GREM2: variants seen among roughly 807,000 people sequenced by gnomAD.
The protein encoded by GREM2 is gremlin-2.
A neutral mutation model predicts 14.2 loss-of-function variants in GREM2; 11 were observed. The observed-to-expected ratio is 0.78, with a 90% CI of 0.49 to 1.28. The LOEUF (loss-of-function observed/expected upper bound fraction) is 1.28, where lower values mean the gene tolerates loss of function less well. Among genes scored for constraint, GREM2 ranks in the 50% most tolerant of loss-of-function variants. GREM2 has a pLI of 0.00. For missense variants in GREM2, 210 were observed against 218.5 expected (o/e 0.96, Z 0.24); for synonymous variants, 98 against 97.6 (o/e 1.00, Z -0.02).
At chr1:240,579,581 A>C (rs1679441159) in intron 1 of GREM2, among the ~76,000 whole-genome samples, 1 of 152,168 alleles carries the variant, frequency 6.6e-6, no homozygotes, top group Admixed American at 6.5e-5. Flanking sequence ...TGGGAAAGCA[A>C]AGGTGTTTCG....
intron 1 of GREM2, among the ~76,000 whole-genome samples, chr1:240,602,374 A>G (rs1356201044): frequency 6.6e-6 from 1 of 151,356 alleles, no homozygotes; most frequent in Non-Finnish European, 1.5e-5. Context: ...TCCTTAATTT[A>G]TTTTTTTTTA....
chr1:240,595,639 T>A (rs550203305), intron 1 of GREM2, among the ~76,000 whole-genome samples: 8 of 152,240 alleles, frequency 5.3e-5, no homozygotes, highest in African/African-American at 1.4e-4. Context: ...CTGGAAGCCA[T>A]CTGGAGGCGG....
chr1:240,555,079 G>T (rs180776277), intron 1 of GREM2, among the ~76,000 whole-genome samples: 1 of 151,922 alleles, frequency 6.6e-6, no homozygotes, highest in Non-Finnish European at 1.5e-5. Flanking sequence ...CGGGAGGCAT[G>T]GGTTGCAGTG....
rs926385769 is a variant in GREM2 at position 240,564,632 on chromosome 1, G to A, written c.-2+47252C>T. ...CTCCTCCCTTCTTTTTCTCATAGGT[G>A]GGGTTAGGAGAAAGCTAATGAAGCA... On this transcript the variant is annotated intron_variant, in intron 1 of 1. Coordinates refer to ENST00000318160, the MANE Select transcript of GREM2 (RefSeq NM_022469.4). Among the ~76,000 whole-genome samples, 4 of 152,136 alleles carry A rather than the reference G, an allele frequency of 2.6e-5. No homozygotes were observed. The East Asian group carries it at 7.7e-4, about 29-fold the overall frequency.
chr1:240,572,210 T>C (rs1380279407), intron 1 of GREM2, among the ~76,000 whole-genome samples: 2 of 152,256 alleles, frequency 1.3e-5, no homozygotes, highest in African/African-American at 2.4e-5. Context: ...AAAAGATGTG[T>C]TCGTGTCTGA....
chr1:240,506,111 A>T (rs1204915517), intron 1 of GREM2, among the ~76,000 whole-genome samples: 1 of 152,216 alleles, frequency 6.6e-6, no homozygotes, highest in Non-Finnish European at 1.5e-5. Flanking sequence ...ACTGAAGTAT[A>T]TTAAAGCATA....
intron 1 of GREM2, among the ~76,000 whole-genome samples, chr1:240,572,751 G>A (rs1679283867): frequency 6.6e-6 from 1 of 152,170 alleles, no homozygotes; most frequent in African/African-American, 2.4e-5. Flanking sequence ...AAATATTTCA[G>A]TCAAGCAGTT....
At chr1:240,605,034 T>C (rs1364755740) in intron 1 of GREM2, among the ~76,000 whole-genome samples, 1 of 152,196 alleles carries the variant, frequency 6.6e-6, no homozygotes, top group Non-Finnish European at 1.5e-5. Flanking sequence ...TGTTCTCCTC[T>C]ACCTTTGCCT....
rs576620232 is a variant in GREM2, at chr1:240,549,075, G to T, written c.-1-55599C>A. Reference sequence around the variant, plus strand: ...AGCAAGGCTAGGCTCGGTGGATCATGCCTGTAATCCAGCACTTTGGGAGGC... The same window carrying T: ...AGCAAGGCTAGGCTCGGTGGATCATTCCTGTAATCCAGCACTTTGGGAGGC... On this transcript the variant is annotated intron_variant, in intron 1 of 1. Transcript: ENST00000318160. Among the ~76,000 whole-genome samples the T allele has an allele frequency of 6.6e-5, 10 of 152,188 alleles. No homozygotes were observed. In the South Asian group the frequency reaches 1.9e-3, roughly 28 times the overall value.
At chr1:240,538,095 A>T (rs1341164507) in intron 1 of GREM2, among the ~76,000 whole-genome samples, 7 of 152,240 alleles carry the variant, frequency 4.6e-5, no homozygotes, top group Non-Finnish European at 8.8e-5. Flanking sequence ...TAAATAGAGG[A>T]ACAAGTCAAA....
At chr1:240,611,724 A>G (rs1461857682) in intron 1 of GREM2, among the ~76,000 whole-genome samples, 160 bp downstream of exon 1, 1 of 152,170 alleles carries the variant, frequency 6.6e-6, no homozygotes, top group East Asian at 1.9e-4. Context: ...ACACACGCCA[A>G]CAGCTTGAAT....
intron 1 of GREM2, among the ~76,000 whole-genome samples, chr1:240,557,197 A>G (rs971110280): frequency 1.3e-5 from 2 of 151,502 alleles, no homozygotes; most frequent in African/African-American, 4.8e-5. Flanking sequence ...ATAAATATAA[A>G]AATTAAGATA....
At chr1:240,520,912 CAAA>C (rs200953017) in intron 1 of GREM2, among the ~76,000 whole-genome samples, 21 of 89,058 alleles carry the variant, frequency 2.4e-4, no homozygotes, top group Non-Finnish European at 2.6e-4. Context: ...TCTTCATGGG[CAAA>C]AAAAAAAAAA....
Position 240,490,580 on chromosome 1 carries a change from T to C in GREM2, c.*2389A>G, listed in dbSNP as rs888818493. ...CATTATACTTATAGCTTTTCTTCAT[T>C]TATAAACAAAACAAAAAAATTAAAT... On this transcript the variant is annotated 3_prime_UTR_variant, in exon 2 of 2. Coordinates refer to ENST00000318160, the MANE Select transcript of GREM2 (RefSeq NM_022469.4). 1.3e-5 allele frequency: 2 copies of C among 152,632 alleles called. No homozygotes were observed. Among genetic ancestry groups the C allele is most frequent in the African/African-American group, 4.8e-5 (2 of 41,436 alleles). 9.5% of individuals were successfully genotyped at this position (152,632 alleles called of 1,614,324 possible).
intron 1 of GREM2, among the ~76,000 whole-genome samples, chr1:240,573,286 C>A (rs887371666): frequency 1.3e-5 from 2 of 152,030 alleles, no homozygotes; most frequent in African/African-American, 4.8e-5. Context: ...ACAAATGAGA[C>A]CTCGTCTCTA....
At chr1:240,601,952 C>T (rs922228272) in intron 1 of GREM2, among the ~76,000 whole-genome samples, 2 of 151,168 alleles carry the variant, frequency 1.3e-5, no homozygotes, top group African/African-American at 4.9e-5. Flanking sequence ...TGTTAAAATA[C>T]CTGGAACATA....
intron 1 of GREM2, among the ~76,000 whole-genome samples, chr1:240,507,456 A>G (rs1677703488): frequency 6.6e-6 from 1 of 152,004 alleles, no homozygotes; most frequent in Non-Finnish European, 1.5e-5. Flanking sequence ...TCAGCCTCCC[A>G]AAAGTAGCTG....
intron 1 of GREM2, among the ~76,000 whole-genome samples, chr1:240,541,711 A>G (rs1678593126): frequency 6.6e-6 from 1 of 151,850 alleles, no homozygotes; most frequent in East Asian, 1.9e-4. Context: ...TGAAGTAAGT[A>G]TACTGATGAA....
At chr1:240,601,546 G>C (rs772491579) in intron 1 of GREM2, among the ~76,000 whole-genome samples, 4 of 152,186 alleles carry the variant, frequency 2.6e-5, no homozygotes, top group Non-Finnish European at 4.4e-5. Context: ...GTGAGCTTCA[G>C]TTCTTTGTTG....
Sources: gnomAD v4.1 joint callset for allele counts (sites outside exome capture counted in the v4.1 genomes callset) on GRCh38, gnomAD v4.1.1 for gene constraint, MANE v1.5 for transcripts, NCBI Gene and HGNC (gene_info 2026-07-23, HGNC 2026-07-21) for gene names.